Variants in NEBL observed in about 807,000 individuals in gnomAD.
NEBL encodes the protein LIM and SH3 protein 2.
A neutral mutation model predicts 140.2 loss-of-function variants in NEBL; 122 were observed. The observed-to-expected ratio is 0.87, with a 90% CI of 0.75 to 1.01. NEBL has a LOEUF of 1.01. Among genes scored for constraint, NEBL ranks in the 50% least tolerant of loss-of-function variants. NEBL has a pLI of 0.00. For missense variants in NEBL, 1,365 were observed against 1,231.3 expected, an observed-to-expected ratio of 1.11 and a Z score of -1.62; for synonymous variants, 436 against 398.9, an observed-to-expected ratio of 1.09 and a Z score of -1.11.
intron 17 of NEBL, among the ~76,000 whole-genome samples, chr10:20,827,992 T>C (rs1840047244): frequency 6.6e-6 from 1 of 151,870 alleles, no homozygotes; most frequent in East Asian, 1.9e-4. Flanking sequence ...AACACCTGCG[T>C]GACAAAATAA....
intron 2 of NEBL, among the ~76,000 whole-genome samples, chr10:21,104,986 T>A (rs1426280335): frequency 6.6e-6 from 1 of 152,224 alleles, no homozygotes. Flanking sequence ...ATAAACATAT[T>A]GTTTTTCCTT....
At chr10:21,185,452 G>A (rs1381030398) in intron 3 of NEBL, among the ~76,000 whole-genome samples, 2 of 144,214 alleles carry the variant, frequency 1.4e-5, no homozygotes, top group African/African-American at 2.5e-5. Flanking sequence ...TAAGCACACA[G>A]AATTTCGACT....
At chr10:21,067,132 C>T (rs765076592) in intron 2 of NEBL, among the ~76,000 whole-genome samples, 1 of 151,820 alleles carries the variant, frequency 6.6e-6, no homozygotes, top group Non-Finnish European at 1.5e-5. Flanking sequence ...GCCACCACGC[C>T]CGGCTAATTT....
At chr10:20,943,536 A>T (rs758655061) in intron 4 of NEBL, among the ~76,000 whole-genome samples, 2 of 152,294 alleles carry the variant, frequency 1.3e-5, no homozygotes, top group East Asian at 3.9e-4. Context: ...ACATGTATAC[A>T]TATGCAACTA....
intron 20 of NEBL, chr10:20,818,572 G>T (rs1363090166): frequency 6.4e-6 from 1 of 155,384 alleles, no homozygotes; most frequent in Non-Finnish European, 1.4e-5. Flanking sequence ...GTCTTCTTTT[G>T]CCCTGTTCCA....
chr10:20,819,629 T>C, intron 19 of NEBL, 113 bp from the exon 20 acceptor site: 4 of 1,293,086 alleles, frequency 3.1e-6, no homozygotes, highest in Non-Finnish European at 4.5e-6. Flanking sequence ...ATTAATAAGA[T>C]CATCATCAGG....
intron 3 of NEBL, among the ~76,000 whole-genome samples, chr10:21,227,711 T>TTCTTCTTCTTCTTTCTTCTTC (rs1456600511): frequency 2.2e-5 from 1 of 46,472 alleles, no homozygotes. Context: ...CTTCTTCTTC[T>TTCTTCTTCTTCTTTCTTCTTC]TTCTTCTTCT....
intron 2 of NEBL, among the ~76,000 whole-genome samples, chr10:21,163,536 C>T (rs1174908000): frequency 6.6e-6 from 1 of 152,138 alleles, no homozygotes; most frequent in Non-Finnish European, 1.5e-5. Context: ...AAAACCAAAT[C>T]CAACATTGGC....
At chr10:21,205,429 T>C (rs1841809548) in intron 3 of NEBL, among the ~76,000 whole-genome samples, 1 of 152,202 alleles carries the variant, frequency 6.6e-6, no homozygotes, top group Non-Finnish European at 1.5e-5. Context: ...ATCAAGAGAA[T>C]ATTTAAACAA....
chr10:21,264,883 T>C (rs992998475), intron 1 of NEBL, among the ~76,000 whole-genome samples: 2 of 151,842 alleles, frequency 1.3e-5, no homozygotes, highest in Non-Finnish European at 2.9e-5. Context: ...TGCTGCATCC[T>C]CACGTGACAA....
At chr10:20,810,012 A>T (rs1033690035) in intron 24 of NEBL, 114 bp from the exon 25 acceptor site, 6 of 745,190 alleles carry the variant, frequency 8.1e-6, no homozygotes, top group Non-Finnish European at 1.4e-5. Context: ...AGGAATAGAT[A>T]TAAGAAGCAA....
At chr10:21,211,608 C>T (rs977752255) in intron 3 of NEBL, among the ~76,000 whole-genome samples, 1 of 152,178 alleles carries the variant, frequency 6.6e-6, no homozygotes, top group South Asian at 2.1e-4. Flanking sequence ...TCTTGCTTCC[C>T]TGATGAGGAA....
intron 1 of NEBL, among the ~76,000 whole-genome samples, chr10:21,253,548 T>C (rs916226458): frequency 2.0e-5 from 3 of 150,444 alleles, no homozygotes; most frequent in African/African-American, 7.3e-5. Flanking sequence ...CTCTTTTTTT[T>C]TTTTTTTTTT....
intron 1 of NEBL, among the ~76,000 whole-genome samples, chr10:21,276,874 C>A (rs956026880): frequency 6.6e-6 from 1 of 152,082 alleles, no homozygotes; most frequent in African/African-American, 2.4e-5. Context: ...GAAGCTGAGG[C>A]ATGAGAATCA....
intron 1 of NEBL, among the ~76,000 whole-genome samples, chr10:21,291,923 G>T (rs1026421937): frequency 1.3e-5 from 2 of 152,000 alleles, no homozygotes; most frequent in Admixed American, 6.6e-5. Context: ...AAATAAAAAA[G>T]AAAAAGAAAA....
At chr10:21,258,344 G>A (rs1842692387) in intron 1 of NEBL, among the ~76,000 whole-genome samples, 1 of 152,172 alleles carries the variant, frequency 6.6e-6, no homozygotes. Flanking sequence ...CAAGGCAGGT[G>A]GATCACTTGA....
At chr10:21,046,426 A>C (rs1421790656) in intron 2 of NEBL, among the ~76,000 whole-genome samples, 1 of 152,234 alleles carries the variant, frequency 6.6e-6, no homozygotes, top group Non-Finnish European at 1.5e-5. Context: ...GCCATTACAT[A>C]GTGTACACAT....
intron 3 of NEBL, among the ~76,000 whole-genome samples, chr10:21,017,892 C>T (rs997750741): frequency 4.0e-5 from 6 of 151,538 alleles, no homozygotes; most frequent in Non-Finnish European, 7.4e-5. Flanking sequence ...GGCACGATCT[C>T]GGCTCACTGC....
chr10:20,939,502 G>C (rs954243126), intron 4 of NEBL, among the ~76,000 whole-genome samples: 1 of 152,170 alleles, frequency 6.6e-6, no homozygotes, highest in Non-Finnish European at 1.5e-5. Flanking sequence ...AAAGACCATC[G>C]AGGCTAGGAA....
Sources: gnomAD v4.1 joint callset for allele counts (sites outside exome capture counted in the v4.1 genomes callset) on GRCh38, gnomAD v4.1.1 for gene constraint, MANE v1.5 for transcripts, NCBI Gene and HGNC (gene_info 2026-07-23, HGNC 2026-07-21) for gene names.